DLG5: variants seen among roughly 807,000 people sequenced by gnomAD.
DLG5 encodes discs large MAGUK scaffold protein 5.
Under a neutral mutation model 189.8 loss-of-function variants are expected in DLG5, and 48 were observed. The observed-to-expected ratio is 0.25, with a 90% CI of 0.20 to 0.32. The LOEUF (loss-of-function observed/expected upper bound fraction) is 0.32, where lower values mean the gene tolerates loss of function less well. Among genes scored for constraint, DLG5 ranks in the 10% least tolerant of loss-of-function variants. The pLI, the probability that DLG5 is intolerant of heterozygous loss-of-function variation, is 1.00. For missense variants in DLG5, 2,160 were observed against 2,544.7 expected, an observed-to-expected ratio of 0.85 and a Z score of 3.25; for synonymous variants, 1,016 against 1,054.1, an observed-to-expected ratio of 0.96 and a Z score of 0.70.
At chr10:77,895,027 G>C (rs1356536026) in intron 1 of DLG5, among the ~76,000 whole-genome samples, 1 of 152,176 alleles carries the variant, frequency 6.6e-6, no homozygotes, top group Non-Finnish European at 1.5e-5. Context: ...CCTTATGAGA[G>C]GTGGACATGG....
intron 12 of DLG5, among the ~76,000 whole-genome samples, 153 bp from the exon 13 acceptor site, chr10:77,829,138 G>T (rs1339140310): frequency 6.6e-6 from 1 of 152,176 alleles, no homozygotes; most frequent in Non-Finnish European, 1.5e-5. Flanking sequence ...CCCACCAATC[G>T]GGGGCTCAGT....
In DLG5 at chr10:77,798,119, G is replaced by A. The variant is rs891337658; in HGVS notation, c.5165-1525C>T. Among the ~76,000 whole-genome samples, 7 of 152,222 alleles carry A rather than the reference G, an allele frequency of 4.6e-5. 1 individual carries two copies. The highest frequency in any genetic ancestry group is 2.0e-4 in the Admixed American group (3 of 15,284). On this transcript the variant is annotated intron_variant, in intron 27 of 31. Transcript: ENST00000372391. ...CAACAATCACTTGAACCCAGGAGGC[G>A]GAGGTTGCAGTGAGCCGAGACTGCA...
At chr10:77,920,691 T>A (rs1846508228) in intron 1 of DLG5, among the ~76,000 whole-genome samples, 1 of 152,120 alleles carries the variant, frequency 6.6e-6, no homozygotes, top group African/African-American at 2.4e-5. Context: ...AATCCTACCA[T>A]GAGGTTTGTC....
At position 77,926,583 on chromosome 10, in the gene DLG5, G is replaced by A; in HGVS notation, c.-63C>T. 3 of 1,171,102 alleles carry A rather than the reference G, an allele frequency of 2.6e-6. No homozygotes were observed. The highest frequency in any genetic ancestry group is 2.1e-6 in the Non-Finnish European group (2 of 946,730). The allele number at this position is 1,171,102 out of a possible 1,614,324, so 72.5% of individuals were successfully genotyped here. A position where few individuals can be genotyped will look rare whatever the true frequency, so the allele number is the denominator to read the frequency against. The stretch of plus-strand genomic sequence containing the variant: ...CCCGGGCCCCCCGAGGCCGGCGGGC[G>A]GGCAGGCGAGCACCTCGGCAGCAGC... On this transcript the variant is annotated 5_prime_UTR_variant, in exon 1 of 32. Transcript: ENST00000372391. This position sits in a 1 kb window ranked among gnomAD's most constrained non-coding sequence, Gnocchi z 5.2.
chr10:77,821,868 G>A lies in DLG5; in HGVS notation c.2616C>T (p.Phe872=), dbSNP rs774148699. ...GGSSSFLHKP[F]PGGPLQVCPQ... ...GGCAGACCTGCAAGGGTCCCCCAGG[G>A]AATGGCTTATGCAGAAAGGAGCTGC... The change falls in exon 15 of 32, where the codon TTC becomes TTT. Residue 872 remains phenylalanine, a synonymous_variant. Transcript: ENST00000372391. 21 of 1,613,964 alleles carry A rather than the reference G, an allele frequency of 1.3e-5. No individual in the cohort carries two copies. The South Asian group carries it at 2.3e-4, about 18-fold the overall frequency.
chr10:77,814,459 G>GTTTTTA (rs1354813115), intron 20 of DLG5, among the ~76,000 whole-genome samples: 3 of 74,704 alleles, frequency 4.0e-5, no homozygotes, highest in Non-Finnish European at 5.3e-5. Context: ...AATAAAGCAT[G>GTTTTTA]TTTATATATA....
At chr10:77,919,810 A>G (rs1846481889) in intron 1 of DLG5, among the ~76,000 whole-genome samples, 1 of 151,990 alleles carries the variant, frequency 6.6e-6, no homozygotes, top group Non-Finnish European at 1.5e-5. Context: ...CTTCCATCAC[A>G]GACATACCGT....
chr10:77,936,603 G>A, the DLG5 span, among the ~76,000 whole-genome samples: 1 of 152,068 alleles, frequency 6.6e-6, no homozygotes, highest in African/African-American at 2.4e-5. Flanking sequence ...AATTATTAAC[G>A]ATGAAATAAA....
At chr10:77,847,865 C>T (rs1379093390) in intron 5 of DLG5, among the ~76,000 whole-genome samples, 1 of 152,168 alleles carries the variant, frequency 6.6e-6, no homozygotes, top group East Asian at 1.9e-4. Flanking sequence ...CCCCACCACA[C>T]CTGGCTGATT....
At chr10:77,908,088 GC>G (rs1334358341) in intron 1 of DLG5, among the ~76,000 whole-genome samples, 3 of 152,024 alleles carry the variant, frequency 2.0e-5, no homozygotes, top group Non-Finnish European at 2.9e-5. Flanking sequence ...AGGACATGAG[GC>G]CTGGAAAGCA....
At chr10:77,834,394 T>A (rs955257177) in intron 8 of DLG5, among the ~76,000 whole-genome samples, 13 of 152,074 alleles carry the variant, frequency 8.5e-5, no homozygotes, top group Non-Finnish European at 1.6e-4. Context: ...GTGGCTCTCC[T>A]CTGCATGAAG....
At chr10:77,889,335 T>A (rs1441176926) in intron 1 of DLG5, 1 of 152,338 alleles carries the variant, frequency 6.6e-6, no homozygotes, top group Non-Finnish European at 1.5e-5. Context: ...CTCCCCATTA[T>A]CAGAGAAAAT....
At chr10:77,896,179 T>C (rs1401228763) in intron 1 of DLG5, among the ~76,000 whole-genome samples, 1 of 152,050 alleles carries the variant, frequency 6.6e-6, no homozygotes, top group East Asian at 1.9e-4. Flanking sequence ...TAAATGTCTA[T>C]ATCATAACAA....
At chr10:77,873,781 G>T (rs910948254) in intron 1 of DLG5, among the ~76,000 whole-genome samples, 12 of 152,138 alleles carry the variant, frequency 7.9e-5, no homozygotes, top group Admixed American at 4.6e-4. Context: ...CTCCAGAAGG[G>T]CCCAGGCAGA....
chr10:77,819,558 G>C lies in DLG5; in HGVS notation c.3527-93C>G, dbSNP rs147089885. The C allele has an allele frequency of 2.7e-6, 4 of 1,461,398 alleles. No individual in the cohort carries two copies. The East Asian group carries it at 7.2e-5, about 26-fold the overall frequency. 90.5% of individuals were successfully genotyped at this position (1,461,398 alleles called of 1,614,324 possible). On this transcript the variant is annotated intron_variant, in intron 16 of 31. Transcript: ENST00000372391. ...TTCCCCTGTATCCCAGGACGCAGCC[G>C]CAGTCTTTTGGGAAAAGGACTTGGG... is the stretch of plus-strand genomic sequence containing the variant.
intron 24 of DLG5, among the ~76,000 whole-genome samples, chr10:77,808,828 C>T (rs915133255): frequency 1.3e-5 from 2 of 152,248 alleles, no homozygotes; most frequent in African/African-American, 4.8e-5. Flanking sequence ...GGCACAGTGG[C>T]TCACGCCTGT....
intron 31 of DLG5, 184 bp downstream of exon 31, chr10:77,793,824 G>C (rs1262746724): frequency 1.6e-6 from 1 of 611,554 alleles, no homozygotes; most frequent in Non-Finnish European, 2.9e-6. Context: ...CATTCAACCT[G>C]TAAGAATCCT....
intron 1 of DLG5, among the ~76,000 whole-genome samples, chr10:77,872,440 C>T (rs1413960832): frequency 6.6e-6 from 1 of 152,184 alleles, no homozygotes; most frequent in Non-Finnish European, 1.5e-5. Flanking sequence ...GGGGCCTAAC[C>T]AGGGCAGCGT....
intron 5 of DLG5, among the ~76,000 whole-genome samples, chr10:77,847,298 C>T (rs899532570): frequency 6.6e-6 from 1 of 151,462 alleles, no homozygotes; most frequent in Non-Finnish European, 1.5e-5. Flanking sequence ...GCCTGCTCCA[C>T]AAGTGAAAGC....
Sources: gnomAD v4.1 joint callset for allele counts (sites outside exome capture counted in the v4.1 genomes callset) on GRCh38, gnomAD v4.1.1 for gene constraint, Gnocchi (gnomAD v3.1) non-coding constraint, MANE v1.5 for transcripts, NCBI Gene and HGNC (gene_info 2026-07-23, HGNC 2026-07-21) for gene names.